The following EYS variants were observed in gnomAD, a reference collection of about 807,000 sequenced individuals.
EYS encodes EGF-like photoreceptor maintenance factor.
A neutral mutation model predicts 282.1 loss-of-function variants in EYS; 250 were observed. The observed-to-expected ratio is 0.89, with a 90% confidence interval of 0.80 to 0.98. The LOEUF (loss-of-function observed/expected upper bound fraction) is 0.98, where lower values mean the gene tolerates loss of function less well. Ranked by LOEUF, EYS falls within the 50% of genes least tolerant of loss-of-function variation. EYS has a pLI of 0.00. For synonymous variants in EYS, 1,355 were observed against 1,282.9 expected (o/e 1.06, Z -1.20); for missense variants, 4,016 against 3,709.0 (o/e 1.08, Z -2.15).
At chr6:65,175,690 C>T (rs1226519192) in intron 12 of EYS, among the ~76,000 whole-genome samples, 1 of 151,382 alleles carries the variant, frequency 6.6e-6, no homozygotes, top group East Asian at 2.0e-4. Flanking sequence ...AAGATTTTAA[C>T]AAGTGGACTT....
intron 32 of EYS, among the ~76,000 whole-genome samples, chr6:64,070,100 T>C (rs1258482416): frequency 6.6e-6 from 1 of 152,100 alleles, no homozygotes; most frequent in Non-Finnish European, 1.5e-5. Flanking sequence ...AGGAGGAACA[T>C]TTTCATAACT....
intron 14 of EYS, among the ~76,000 whole-genome samples, 177 bp downstream of exon 14, chr6:64,997,405 C>A (rs1200241226): frequency 6.6e-6 from 1 of 150,972 alleles, no homozygotes; most frequent in African/African-American, 2.5e-5. Flanking sequence ...ACATGTTTTA[C>A]TACCTTTAAG....
intron 31 of EYS, among the ~76,000 whole-genome samples, chr6:64,217,359 T>C (rs949367030): frequency 3.3e-5 from 5 of 152,040 alleles, no homozygotes; most frequent in Non-Finnish European, 7.4e-5. Context: ...CAAAACCCCA[T>C]CTCTACTAAA....
chr6:64,336,253 A>C (rs544951160), intron 29 of EYS, among the ~76,000 whole-genome samples: 5 of 152,218 alleles, frequency 3.3e-5, no homozygotes, highest in African/African-American at 1.2e-4. Context: ...ACCTAACACA[A>C]AAAGACTCAC....
intron 18 of EYS, among the ~76,000 whole-genome samples, chr6:64,890,406 T>G (rs941228893): frequency 1.3e-5 from 2 of 152,276 alleles, no homozygotes; most frequent in African/African-American, 4.8e-5. Flanking sequence ...TTGCGGCTTG[T>G]GAGGCATCAC....
chr6:64,744,171 A>G (rs1372364060), intron 22 of EYS, among the ~76,000 whole-genome samples: 1 of 152,168 alleles, frequency 6.6e-6, no homozygotes, highest in Non-Finnish European at 1.5e-5. Context: ...TAGAAACAAC[A>G]CAGTTTTTAA....
chr6:65,127,341 C>T (rs2150200102), intron 12 of EYS, among the ~76,000 whole-genome samples: 1 of 152,156 alleles, frequency 6.6e-6, no homozygotes, highest in South Asian at 2.1e-4. Flanking sequence ...AAAATTAAGA[C>T]TTTACATAAC....
chr6:64,892,474 A>C (rs1767321469), intron 18 of EYS, among the ~76,000 whole-genome samples: 1 of 151,996 alleles, frequency 6.6e-6, no homozygotes, highest in Admixed American at 6.6e-5. Context: ...CTTTCTGATA[A>C]GGACTTTTAA....
intron 35 of EYS, among the ~76,000 whole-genome samples, chr6:63,911,803 G>A (rs1581967712): frequency 6.6e-6 from 1 of 152,220 alleles, no homozygotes; most frequent in East Asian, 1.9e-4. Flanking sequence ...GGAAATCTGA[G>A]GAAAACACAA....
intron 22 of EYS, among the ~76,000 whole-genome samples, chr6:64,645,526 C>A (rs1175442812): frequency 1.3e-5 from 2 of 152,162 alleles, no homozygotes. Context: ...AAGTTCTTGA[C>A]ATCAGACGGC....
intron 14 of EYS, among the ~76,000 whole-genome samples, chr6:64,990,838 A>G (rs1771038074): frequency 6.6e-6 from 1 of 151,686 alleles, no homozygotes; most frequent in Non-Finnish European, 1.5e-5. Context: ...TAAAGCTCAC[A>G]TACTTGTTTA....
chr6:64,716,827 A>T (rs1771416589), intron 22 of EYS, among the ~76,000 whole-genome samples: 1 of 152,146 alleles, frequency 6.6e-6, no homozygotes, highest in Non-Finnish European at 1.5e-5. Context: ...CTTGGTCTCC[A>T]ACTGGGGAAG....
intron 14 of EYS, among the ~76,000 whole-genome samples, chr6:64,974,033 CA>C (rs1378198636): frequency 6.6e-6 from 1 of 151,792 alleles, no homozygotes; most frequent in African/African-American, 2.4e-5. Context: ...CATGAAAAAG[CA>C]TTTCACATTG....
chr6:65,178,195 T>G (rs1012999057), intron 12 of EYS, among the ~76,000 whole-genome samples: 18 of 151,896 alleles, frequency 1.2e-4, no homozygotes, highest in Non-Finnish European at 2.4e-4. Context: ...AGCATGACCT[T>G]ATAAAATTTC....
intron 2 of EYS, among the ~76,000 whole-genome samples, chr6:65,610,565 G>A (rs1417396064): frequency 1.3e-5 from 2 of 151,956 alleles, no homozygotes; most frequent in Non-Finnish European, 2.9e-5. Context: ...CATAACTACA[G>A]GGGAACATCC....
intron 36 of EYS, among the ~76,000 whole-genome samples, chr6:63,859,657 A>G (rs1046741595): frequency 6.6e-6 from 1 of 151,698 alleles, no homozygotes; most frequent in African/African-American, 2.4e-5. Context: ...AAAAAAAAAA[A>G]GAAGAGATTA....
At chr6:64,293,179 C>T (rs953058182) in intron 30 of EYS, among the ~76,000 whole-genome samples, 11 of 151,968 alleles carry the variant, frequency 7.2e-5, no homozygotes, top group African/African-American at 2.7e-4. Flanking sequence ...TATGATTTCA[C>T]AAAACTGGTC....
At chr6:63,940,608 T>C (rs999779927) in intron 35 of EYS, among the ~76,000 whole-genome samples, 3 of 152,108 alleles carry the variant, frequency 2.0e-5, no homozygotes, top group African/African-American at 7.2e-5. Flanking sequence ...AGTAGCTTCT[T>C]CTGATGAGTT....
chr6:64,654,583 A>G (rs1768680532), intron 22 of EYS, among the ~76,000 whole-genome samples: 1 of 152,192 alleles, frequency 6.6e-6, no homozygotes, highest in East Asian at 1.9e-4. Flanking sequence ...CTTGCACTGT[A>G]TAGAATGATT....
Sources: allele counts gnomAD v4.1 joint callset (sites outside exome capture counted in the v4.1 genomes callset), GRCh38; gene constraint gnomAD v4.1.1; transcripts MANE v1.5; gene names NCBI Gene and HGNC (gene_info 2026-07-23, HGNC 2026-07-21).